Variants in CCDC102B observed in about 807,000 individuals in gnomAD.
CCDC102B encodes coiled-coil domain containing 102B.
CCDC102B carries 75 observed loss-of-function variants against 57.4 expected under a neutral mutation model. The ratio of observed to expected loss-of-function variants is 1.31; its 90% confidence interval spans 1.08 to 1.58. CCDC102B has a LOEUF of 1.58. CCDC102B is among the 40% of genes most tolerant of loss of function. CCDC102B has a pLI of 0.00. For synonymous variants in CCDC102B, 206 were observed against 201.9 expected, an observed-to-expected ratio of 1.02 and a Z score of -0.17; for missense variants, 636 against 582.6, an observed-to-expected ratio of 1.09 and a Z score of -0.94.
intron 2 of CCDC102B, among the ~76,000 whole-genome samples, chr18:68,749,436 T>C (rs2145241334): frequency 6.6e-6 from 1 of 152,326 alleles, no homozygotes; most frequent in East Asian, 1.9e-4. Context: ...TTTGTTTGTG[T>C]CCTCTTCTAT....
chr18:68,991,852 G>T (rs2050876477), intron 6 of CCDC102B, among the ~76,000 whole-genome samples: 1 of 152,074 alleles, frequency 6.6e-6, no homozygotes, highest in East Asian at 1.9e-4. Flanking sequence ...TAGAAAACAA[G>T]TCTAAACTGA....
intron 6 of CCDC102B, among the ~76,000 whole-genome samples, chr18:68,943,499 G>A (rs544969782): frequency 3.9e-5 from 6 of 152,112 alleles, no homozygotes; most frequent in Admixed American, 1.3e-4. Flanking sequence ...AAATAATTAA[G>A]TACTTTTGGA....
At chr18:68,888,935 A>T (rs1161506229) in intron 5 of CCDC102B, among the ~76,000 whole-genome samples, 2 of 152,108 alleles carry the variant, frequency 1.3e-5, no homozygotes, top group Non-Finnish European at 2.9e-5. Context: ...GATGATCTTT[A>T]TGTAAATTTA....
chr18:68,802,265 C>G (rs2035881986), intron 1 of CCDC102B, among the ~76,000 whole-genome samples: 1 of 152,106 alleles, frequency 6.6e-6, no homozygotes. Context: ...TGGGTCAAAG[C>G]AACTACGTAG....
intron 7 of CCDC102B, among the ~76,000 whole-genome samples, chr18:69,015,630 T>A (rs2051643818): frequency 6.6e-6 from 1 of 152,198 alleles, no homozygotes; most frequent in Non-Finnish European, 1.5e-5. Context: ...ATAAGATAGT[T>A]GTCCTCTGTA....
intron 1 of CCDC102B, among the ~76,000 whole-genome samples, chr18:68,799,991 A>C (rs1385121763): frequency 6.6e-6 from 1 of 152,144 alleles, no homozygotes; most frequent in Non-Finnish European, 1.5e-5. Context: ...TCTTTTCATC[A>C]TCTTTACCAT....
intron 1 of CCDC102B, among the ~76,000 whole-genome samples, chr18:68,813,165 G>C (rs962114649): frequency 6.6e-6 from 1 of 151,992 alleles, no homozygotes; most frequent in Non-Finnish European, 1.5e-5. Flanking sequence ...TTTGATAAAT[G>C]TATGGCATTT....
chr18:68,999,158 A>G (rs985666441), intron 6 of CCDC102B, among the ~76,000 whole-genome samples: 2 of 151,998 alleles, frequency 1.3e-5, no homozygotes, highest in Non-Finnish European at 2.9e-5. Context: ...AGGAGCAATC[A>G]TGGAAAGAGA....
chr18:68,883,465 G>T (rs1317727335), intron 5 of CCDC102B, among the ~76,000 whole-genome samples: 1 of 152,068 alleles, frequency 6.6e-6, no homozygotes, highest in Admixed American at 6.6e-5. Context: ...CTGATAATGG[G>T]TGAAAGAAGA....
chr18:69,045,951 A>G (rs891985362), intron 7 of CCDC102B, among the ~76,000 whole-genome samples: 2 of 152,176 alleles, frequency 1.3e-5, no homozygotes, highest in East Asian at 3.9e-4. Context: ...TCTTTTTTAT[A>G]GCTGCATAGT....
chr18:68,836,031 T>C (rs1047406656), intron 1 of CCDC102B, among the ~76,000 whole-genome samples: 2 of 152,156 alleles, frequency 1.3e-5, no homozygotes, highest in Admixed American at 6.6e-5. Flanking sequence ...TATAGATCAA[T>C]AGGTTGTGCA....
intron 7 of CCDC102B, among the ~76,000 whole-genome samples, chr18:69,034,254 G>A (rs1032915095): frequency 1.3e-5 from 2 of 151,612 alleles, no homozygotes; most frequent in Non-Finnish European, 2.9e-5. Flanking sequence ...CTCTATTGTT[G>A]CTTGAGCTTT....
intron 2 of CCDC102B, among the ~76,000 whole-genome samples, chr18:68,788,346 C>T (rs374573079): frequency 5.5e-4 from 82 of 148,956 alleles, no homozygotes; most frequent in African/African-American, 1.6e-3. Flanking sequence ...CTATTAGGTC[C>T]GCTTGGTGCA....
At chr18:68,830,675 G>T (rs751070401) in intron 1 of CCDC102B, among the ~76,000 whole-genome samples, 12 of 148,158 alleles carry the variant, frequency 8.1e-5, no homozygotes, top group Non-Finnish European at 1.0e-4. Flanking sequence ...ACAGAAATAG[G>T]CTGCTAAGCT....
chr18:68,789,562 C>T (rs1482233992), intron 2 of CCDC102B, among the ~76,000 whole-genome samples: 10 of 149,636 alleles, frequency 6.7e-5, no homozygotes, highest in East Asian at 5.9e-4. Context: ...CTTCCCTTCT[C>T]GCTTCATTTC....
chr18:69,052,232 A>G (rs572710856), intron 7 of CCDC102B, among the ~76,000 whole-genome samples: 2 of 152,112 alleles, frequency 1.3e-5, no homozygotes, highest in Admixed American at 6.6e-5. Flanking sequence ...TCTAATAAAA[A>G]ATATAAAGAG....
At chr18:69,028,751 T>C (rs2052059549) in intron 7 of CCDC102B, among the ~76,000 whole-genome samples, 1 of 152,128 alleles carries the variant, frequency 6.6e-6, no homozygotes, top group African/African-American at 2.4e-5. Context: ...CCTACAGTGA[T>C]GACAGTTTTT....
chr18:68,897,346 TG>T lies in CCDC102B; in HGVS notation c.1183del (p.Asp395IlefsTer6). On this transcript the variant is annotated frameshift_variant, in exon 6 of 8. Transcript: ENST00000360242. LOFTEE classifies it high-confidence loss of function. ...KIQVKEMEEL[L>X]DKKNRLSANS... ...CAGGTGAAAGAAATGGAAGAGCTTTTGGATAAGAAAAATAGATTAAGTGCAA... is the reference window on the plus strand; with the variant it reads ...CAGGTGAAAGAAATGGAAGAGCTTTTGATAAGAAAAATAGATTAAGTGCAA... 6.2e-7 allele frequency: 1 copy of T among 1,613,096 alleles called. No individual in the cohort carries two copies. The highest frequency in any genetic ancestry group is 8.5e-7 in the Non-Finnish European group (1 of 1,179,334).
chr18:68,895,488 G>A (rs1012757704), intron 5 of CCDC102B, among the ~76,000 whole-genome samples: 5 of 151,638 alleles, frequency 3.3e-5, no homozygotes, highest in African/African-American at 1.2e-4. Flanking sequence ...AATTTAGCAT[G>A]TCATAGCAAC....
Sources: gnomAD v4.1 joint callset for allele counts (sites outside exome capture counted in the v4.1 genomes callset) on GRCh38, gnomAD v4.1.1 for gene constraint, MANE v1.5 for transcripts, NCBI Gene and HGNC (gene_info 2026-07-23, HGNC 2026-07-21) for gene names.